PKIB: variants seen among roughly 807,000 people sequenced by gnomAD.
PKIB encodes cAMP-dependent protein kinase inhibitor beta.
Under a neutral mutation model 4.5 loss-of-function variants are expected in PKIB, and 2 were observed. The observed-to-expected ratio is 0.44, with a 90% CI of 0.18 to 1.39. The LOEUF is 1.39. Ranked by LOEUF, PKIB falls within the 40% of genes most tolerant of loss-of-function variation. The probability of loss-of-function intolerance (pLI) is 0.27; values close to 1 mark genes in which losing one functional copy is unlikely to be tolerated. For synonymous variants in PKIB, 38 were observed against 36.0 expected, an observed-to-expected ratio of 1.06 and a Z score of -0.20; for missense variants, 94 against 92.6, an observed-to-expected ratio of 1.02 and a Z score of -0.06.
intron 1 of PKIB, among the ~76,000 whole-genome samples, chr6:122,475,877 T>TC: frequency 6.6e-6 from 1 of 152,210 alleles, no homozygotes; most frequent in South Asian, 2.1e-4. Context: ...TAACCTAGAA[T>TC]CAGTGTGTCT....
chr6:122,654,255 T>C (rs1464884191), intron 2 of PKIB, among the ~76,000 whole-genome samples: 2 of 152,214 alleles, frequency 1.3e-5, no homozygotes, highest in Non-Finnish European at 2.9e-5. Context: ...GATTTCCTCA[T>C]AAAGACAATG....
chr6:122,717,553 C>T (rs545926589), intron 3 of PKIB: 12 of 467,734 alleles, frequency 2.6e-5, no homozygotes, highest in South Asian at 9.9e-5. Flanking sequence ...GTGGCTCATT[C>T]GGCTCAGGGG....
chr6:122,623,766 G>A (rs1300679574), intron 1 of PKIB, among the ~76,000 whole-genome samples: 1 of 151,988 alleles, frequency 6.6e-6, no homozygotes, highest in Non-Finnish European at 1.5e-5. Context: ...TATTTCTAAG[G>A]TATTACCTAA....
chr6:122,713,822 C>A (rs1779366669), intron 3 of PKIB, among the ~76,000 whole-genome samples: 1 of 152,050 alleles, frequency 6.6e-6, no homozygotes, highest in South Asian at 2.1e-4. Context: ...CCTTGTTCTA[C>A]CTTCCGTTCC....
chr6:122,680,052 A>C (rs763587891), intron 3 of PKIB, among the ~76,000 whole-genome samples: 1 of 152,230 alleles, frequency 6.6e-6, no homozygotes, highest in Non-Finnish European at 1.5e-5. Flanking sequence ...TAGAACACAA[A>C]TAACTTGGGA....
rs565048677 is a variant in PKIB, at chr6:122,664,349, T to A, written c.-75-10729T>A. Reference sequence around the variant, plus strand: ...AATGTCATTGGCCTAAACATGAGACTTCTAGTCATTCTCAGATTAAAGGAA... The same window carrying A: ...AATGTCATTGGCCTAAACATGAGACATCTAGTCATTCTCAGATTAAAGGAA... On this transcript the variant is annotated intron_variant, in intron 2 of 4. Transcript: ENST00000368452. 1.8e-4 allele frequency among the ~76,000 whole-genome samples: 28 copies of A among 152,338 alleles called. 2 individuals are homozygous for A. The South Asian group carries it at 5.2e-3, about 28-fold the overall frequency.
At chr6:122,574,045 C>T in intron 2 of PKIB, among the ~76,000 whole-genome samples, 1 of 152,168 alleles carries the variant, frequency 6.6e-6, no homozygotes, top group East Asian at 1.9e-4. Flanking sequence ...CCAAAAAGCT[C>T]CTGCATTTGA....
intron 2 of PKIB, chr6:122,480,352 T>C (rs186056039): frequency 2.0e-5 from 3 of 152,300 alleles, no homozygotes; most frequent in Admixed American, 2.0e-4. Context: ...TATAGTCAAA[T>C]TTTTTAATAA....
At chr6:122,486,603 G>A (rs1338558638) in intron 2 of PKIB, among the ~76,000 whole-genome samples, 1 of 150,430 alleles carries the variant, frequency 6.6e-6, no homozygotes, top group Non-Finnish European at 1.5e-5. Flanking sequence ...TTTATCTCTT[G>A]TTTCTTTCTA....
rs749071183 is a variant in PKIB, at chr6:122,725,906, A to ATG, written c.*721_*722dup. On this transcript the variant is annotated 3_prime_UTR_variant, in exon 5 of 5. Coordinates refer to ENST00000368452, the MANE Select transcript of PKIB (RefSeq NM_181795.3). Reference sequence around the variant, plus strand: ...TATCTTCCCTAACTTTGGTCTGTGTATGTGTGTGTGTTTTACTTTAATATG... The same window carrying ATG: ...TATCTTCCCTAACTTTGGTCTGTGTATGTGTGTGTGTGTTTTACTTTAATATG... The ATG allele has an allele frequency of 5.9e-5, 9 of 152,032 alleles. No homozygotes were observed. The highest frequency in any genetic ancestry group is 2.2e-4 in the African/African-American group (9 of 41,416). The allele number at this position is 152,032 out of a possible 1,614,324, so 9.4% of individuals were successfully genotyped here.
Position 122,662,557 on chromosome 6 carries a change from C to T in PKIB, c.-75-12521C>T, listed in dbSNP as rs531910282. Among the ~76,000 whole-genome samples, 709 of 151,650 alleles carry T rather than the reference C, an allele frequency of 4.7e-3. 5 individuals carry two copies. The highest frequency in any genetic ancestry group is 0.016 in the African/African-American group (674 of 41,350). On this transcript the variant is annotated intron_variant, in intron 2 of 4. Transcript: ENST00000368452. ...CTGGTCTCGAACTCCTGACATCAGG[C>T]GATCCACTTGCTTTGGCCTCCCAAA...
chr6:122,562,538 C>A (rs1420691515), intron 2 of PKIB, among the ~76,000 whole-genome samples: 1 of 152,124 alleles, frequency 6.6e-6, no homozygotes, highest in Non-Finnish European at 1.5e-5. Context: ...TCAATTATTC[C>A]CCCAAATATG....
intron 3 of PKIB, among the ~76,000 whole-genome samples, chr6:122,587,648 G>A (rs2114719225): frequency 6.6e-6 from 1 of 152,274 alleles, no homozygotes; most frequent in Middle Eastern, 3.4e-3. Flanking sequence ...CACCAACAGT[G>A]TAAAAGTGTT....
intron 2 of PKIB, among the ~76,000 whole-genome samples, chr6:122,674,632 A>C (rs1416083139): frequency 6.6e-6 from 1 of 152,200 alleles, no homozygotes; most frequent in Admixed American, 6.5e-5. Flanking sequence ...TAGAATACTT[A>C]TGGAGGGTGC....
chr6:122,665,561 G>T (rs1269345667), intron 2 of PKIB, among the ~76,000 whole-genome samples: 1 of 152,142 alleles, frequency 6.6e-6, no homozygotes, highest in Non-Finnish European at 1.5e-5. Flanking sequence ...TTAGGACAAA[G>T]TAGACTCGGG....
At chr6:122,485,711 G>A (rs779346452) in intron 2 of PKIB, among the ~76,000 whole-genome samples, 14 of 152,228 alleles carry the variant, frequency 9.2e-5, no homozygotes, top group Admixed American at 3.3e-4. Context: ...ATCAAAGGCA[G>A]TGTTAAAGCG....
In PKIB at chr6:122,669,919, A is replaced by G. The variant is rs549511319; in HGVS notation, c.-75-5159A>G. On this transcript the variant is annotated intron_variant, in intron 2 of 4. Transcript: ENST00000368452. Reference sequence around the variant, plus strand: ...GCAGTTATTGCAAAATCCAAAAATGACAGTGGATGAAACGCAATGTAAGTT... The same window carrying G: ...GCAGTTATTGCAAAATCCAAAAATGGCAGTGGATGAAACGCAATGTAAGTT... Among the ~76,000 whole-genome samples the G allele has an allele frequency of 4.6e-5, 7 of 152,250 alleles. No homozygotes were observed. In the South Asian group the frequency reaches 1.5e-3, roughly 32 times the overall value.
At chr6:122,641,752 C>A (rs1776128565) in intron 2 of PKIB, among the ~76,000 whole-genome samples, 1 of 152,238 alleles carries the variant, frequency 6.6e-6, no homozygotes, top group Admixed American at 6.5e-5. Context: ...AGAGGGCAAC[C>A]ACATGATCTC....
chr6:122,484,045 GTT>G (rs967439168), intron 2 of PKIB: 8 of 152,146 alleles, frequency 5.3e-5, no homozygotes. Context: ...AATTTGTAGA[GTT>G]TTACTGCCAT....
Sources: allele counts gnomAD v4.1 joint callset (sites outside exome capture counted in the v4.1 genomes callset), GRCh38; gene constraint gnomAD v4.1.1; transcripts MANE v1.5; gene names NCBI Gene and HGNC (gene_info 2026-07-23, HGNC 2026-07-21).